The following LLGL1 variants were observed in gnomAD, a reference collection of about 807,000 sequenced individuals.
The protein encoded by LLGL1 is lethal(2) giant larvae protein homolog 1.
Under a neutral mutation model 110.6 loss-of-function variants are expected in LLGL1, and 58 were observed. That is an observed-to-expected ratio of 0.52 (90% confidence interval 0.42 to 0.65). The LOEUF is 0.65. LLGL1 is among the 30% of genes least tolerant of loss of function. The probability of loss-of-function intolerance (pLI) is 0.00; values close to 1 mark genes in which losing one functional copy is unlikely to be tolerated. For synonymous variants in LLGL1, 674 were observed against 607.2 expected (o/e 1.11, Z -1.62); for missense variants, 1,229 against 1,462.1 (o/e 0.84, Z 2.60).
chr17:18,232,357 C>T, intron 2 of LLGL1, 138 bp from the exon 3 acceptor site: 1 of 702,000 alleles, frequency 1.4e-6, no homozygotes, highest in Admixed American at 2.9e-5. Context: ...GGCCTCCGTT[C>T]TTCAGGGAGG....
Position 18,234,837 on chromosome 17 carries a change from A to G in LLGL1, c.906-2A>G, listed in dbSNP as rs757384602. 6.2e-7 allele frequency: 1 copy of G among 1,614,020 alleles called. No homozygotes were observed. The highest frequency in any genetic ancestry group is 8.5e-7 in the Non-Finnish European group (1 of 1,179,982). On this transcript the variant is annotated splice_acceptor_variant, in intron 8 of 22. Transcript: ENST00000316843. LOFTEE classifies it high-confidence loss of function. Reference sequence around the variant, plus strand: ...GGCTCGCACACCTCCCTCTGCACATAGGGGCCACTTTATCATCTTCAGCGG... The same window carrying G: ...GGCTCGCACACCTCCCTCTGCACATGGGGGCCACTTTATCATCTTCAGCGG...
At chr17:18,236,976 G>T (rs1306123276) in intron 13 of LLGL1, 37 bp downstream of exon 13, 2 of 1,540,732 alleles carry the variant, frequency 1.3e-6, no homozygotes, top group Non-Finnish European at 1.8e-6. Flanking sequence ...AGATGTCAGG[G>T]AGGGCTTTCT....
intron 16 of LLGL1, among the ~76,000 whole-genome samples, chr17:18,239,337 G>C (rs1597876119): frequency 1.3e-5 from 2 of 152,168 alleles, no homozygotes; most frequent in African/African-American, 4.8e-5. Flanking sequence ...GGAGCCCTGG[G>C]AAGGTCCTGG....
intron 11 of LLGL1, chr17:18,235,950 A>T: frequency 4.6e-6 from 1 of 215,706 alleles, no homozygotes. Flanking sequence ...CAGGCCTCTG[A>T]CTCTGGTGTG....
intron 7 of LLGL1, 25 bp downstream of exon 7, chr17:18,234,433 A>G (rs759244809): frequency 3.7e-6 from 6 of 1,608,064 alleles, no homozygotes; most frequent in Non-Finnish European, 5.1e-6. Flanking sequence ...CACCTTAGCC[A>G]GAGGGTGGTG....
At chr17:18,239,856 G>A (rs1039487715) in intron 16 of LLGL1, among the ~76,000 whole-genome samples, 1 of 152,042 alleles carries the variant, frequency 6.6e-6, no homozygotes, top group Non-Finnish European at 1.5e-5. Flanking sequence ...GTTCATGGCC[G>A]GCTGGGGTTC....
intron 13 of LLGL1, 43 bp from the exon 14 acceptor site, chr17:18,237,438 C>T (rs2047718358): frequency 2.0e-6 from 3 of 1,501,668 alleles, no homozygotes; most frequent in East Asian, 2.4e-5. Context: ...CAGGGCGGCC[C>T]CTCCCCTGCG....
At chr17:18,242,897 G>C in intron 22 of LLGL1, 75 bp downstream of exon 22, 1 of 1,384,304 alleles carries the variant, frequency 7.2e-7, no homozygotes, top group Non-Finnish European at 9.7e-7. Flanking sequence ...GTACCATTTG[G>C]CCCTGGTCTT....
intron 16 of LLGL1, among the ~76,000 whole-genome samples, chr17:18,239,457 C>T (rs908277002): frequency 3.9e-5 from 6 of 152,152 alleles, no homozygotes; most frequent in African/African-American, 1.2e-4. Context: ...ACATGCCTGC[C>T]ACCAGCCATG....
In LLGL1 at chr17:18,242,021, A is replaced by G. The variant is rs1567697043; in HGVS notation, c.2882+22A>G. Reference sequence around the variant, plus strand: ...CCAGGTGTGTGGAGGGGCAGCTCCTAGCCTGGGGGACCTGTGCCCAGGGCC... The same window carrying G: ...CCAGGTGTGTGGAGGGGCAGCTCCTGGCCTGGGGGACCTGTGCCCAGGGCC... On this transcript the variant is annotated intron_variant, in intron 19 of 22. Transcript: ENST00000316843. 4 of 1,592,048 alleles carry G rather than the reference A, an allele frequency of 2.5e-6. No homozygotes were observed. The Admixed American group carries it at 6.7e-5, about 27-fold the overall frequency.
rs1041659684 is a variant in LLGL1 at position 18,244,794 on chromosome 17, G to A, written c.*888G>A. On this transcript the variant is annotated 3_prime_UTR_variant, in exon 23 of 23. Coordinates refer to ENST00000316843, the MANE Select transcript of LLGL1 (RefSeq NM_004140.4). ...TTGTACCTTGGGGTTTTTTTCTGTCGTTTTGTTAAAATTAGCGCCATTTTA... is the reference window on the plus strand; with the variant it reads ...TTGTACCTTGGGGTTTTTTTCTGTCATTTTGTTAAAATTAGCGCCATTTTA... 4 of 292,538 alleles carry A rather than the reference G, an allele frequency of 1.4e-5. No individual in the cohort carries two copies. The highest frequency in any genetic ancestry group is 1.0e-4 in the East Asian group (2 of 19,402). 18.1% of individuals were successfully genotyped at this position (292,538 alleles called of 1,614,324 possible).
At chr17:18,241,211 T>A (rs2047823617) in intron 17 of LLGL1, 2 of 611,430 alleles carry the variant, frequency 3.3e-6, no homozygotes, top group African/African-American at 3.7e-5. Flanking sequence ...ACCAGCTGCA[T>A]AACCTTGGCA....
chr17:18,234,122 G>C lies in LLGL1; in HGVS notation c.661G>C (p.Val221Leu). 6.2e-7 allele frequency: 1 copy of C among 1,611,998 alleles called. No homozygotes were observed. The highest frequency in any genetic ancestry group is 1.1e-5 in the South Asian group (1 of 90,844). The part of the protein sequence containing the change: ...ILIGYSRGLL[V>L]IWNQASQCVD... Reference sequence around the variant, plus strand: ...CATTGGCTACAGCCGGGGCCTGCTGGTCATCTGGAACCAGGCCTCGCAGTG... The same window carrying C: ...CATTGGCTACAGCCGGGGCCTGCTGCTCATCTGGAACCAGGCCTCGCAGTG... The change falls in exon 6 of 23, where the codon GTC (valine) becomes CTC (leucine). Residue 221 changes from valine to leucine, a missense_variant. Physicochemically the swap from Val to Leu is conservative, Grantham distance 32. Transcript: ENST00000316843.
intron 16 of LLGL1, 108 bp downstream of exon 16, chr17:18,238,717 C>T: frequency 8.6e-7 from 1 of 1,163,010 alleles, no homozygotes; most frequent in Non-Finnish European, 1.2e-6. Flanking sequence ...CTGCACCTTC[C>T]AGGAGGTGGC....
chr17:18,240,880 CACTGTGG>C lies in LLGL1; in HGVS notation c.2502+8_2502+14del, dbSNP rs1303306625. On this transcript the variant is annotated splice_region_variant and intron_variant, in intron 17 of 22. Transcript: ENST00000316843. This position sits in a 1 kb window ranked among gnomAD's most constrained non-coding sequence, Gnocchi z 5.3. ...ATCTGAGGAGCAGTTCAAGGTGAGC[CACTGTGG>C]GCTGTGGGGGACTCTGGGGGACTCC... is the stretch of plus-strand genomic sequence containing the variant. 4.6e-6 allele frequency: 7 copies of C among 1,512,078 alleles called. No individual in the cohort carries two copies. The highest frequency in any genetic ancestry group is 4.1e-5 in the African/African-American group (3 of 72,516). 93.7% of individuals were successfully genotyped at this position (1,512,078 alleles called of 1,614,324 possible).
Position 18,230,058 on chromosome 17 carries a change from T to A in LLGL1, c.179+20T>A. 7 of 1,587,596 alleles carry A rather than the reference T, an allele frequency of 4.4e-6. No individual in the cohort carries two copies. The highest frequency in any genetic ancestry group is 6.0e-6 in the Non-Finnish European group (7 of 1,162,656). On this transcript the variant is annotated intron_variant, in intron 2 of 22. Coordinates refer to ENST00000316843, the MANE Select transcript of LLGL1 (RefSeq NM_004140.4). The stretch of plus-strand genomic sequence containing the variant: ...CAAGATGTATCCTTTGCAGGACAGG[T>A]GTTCAGGGTCTGTTCAGGACCACCT...
rs748722215 is a variant in LLGL1 at position 18,241,453 on chromosome 17, G to T, written c.2505G>T (p.Val835=). 3 of 1,611,852 alleles carry T rather than the reference G, an allele frequency of 1.9e-6. No individual in the cohort carries two copies. The highest frequency in any genetic ancestry group is 2.2e-5 in the South Asian group (2 of 91,036). ...VLIASEEQFK[V]FTLPKVSAKT... ...GCTCACCAGCCACCTGCTGTCAGGT[G>T]TTCACACTGCCCAAGGTGAGCGCGA... is the stretch of plus-strand genomic sequence containing the variant. Residue 835 remains valine, a splice_region_variant and synonymous_variant, in exon 18 of 23, where the codon GTG becomes GTT. Coordinates refer to ENST00000316843, the MANE Select transcript of LLGL1 (RefSeq NM_004140.4).
intron 1 of LLGL1, among the ~76,000 whole-genome samples, chr17:18,229,372 C>G (rs2047519663): frequency 6.6e-6 from 1 of 152,146 alleles, no homozygotes; most frequent in African/African-American, 2.4e-5. Flanking sequence ...AAAGCTACCC[C>G]TCTCTGGGCC....
rs376148449 is a variant in LLGL1 at position 18,235,519 on chromosome 17, G to A, written c.1334G>A (p.Arg445Gln). Reference sequence around the variant, plus strand: ...AACCTGGCCCAGGAGCCGTCACAGCGAGGGCTGCTGCTGACGGGGTAGGTG... The same window carrying A: ...AACCTGGCCCAGGAGCCGTCACAGCAAGGGCTGCTGCTGACGGGGTAGGTG... ...GRNLAQEPSQ[R>Q]GLLLTGHEDG... The change falls in exon 11 of 23, where the codon CGA becomes CAA. Residue 445 changes from arginine (R) to glutamine (Q), a missense_variant. Transcript: ENST00000316843. 688 of 1,613,912 alleles carry A rather than the reference G, an allele frequency of 4.3e-4. 8 individuals carry two copies. The South Asian group carries it at 6.3e-3, about 15-fold the overall frequency.
Sources: gnomAD v4.1 joint callset for allele counts (sites outside exome capture counted in the v4.1 genomes callset) on GRCh38, gnomAD v4.1.1 for gene constraint, Gnocchi (gnomAD v3.1) non-coding constraint, MANE v1.5 for transcripts, NCBI Gene and HGNC (gene_info 2026-07-23, HGNC 2026-07-21) for gene names.